RPAP2: variants seen among roughly 807,000 people sequenced by gnomAD.
RPAP2 encodes RNA polymerase II associated protein 2.
RPAP2 carries 52 observed loss-of-function variants against 73.1 expected under a neutral mutation model. The ratio of observed to expected loss-of-function variants is 0.71; its 90% CI spans 0.57 to 0.90. RPAP2 has a LOEUF of 0.90. Among genes scored for constraint, RPAP2 ranks in the 40% least tolerant of loss-of-function variants. The probability of loss-of-function intolerance (pLI) is 0.00; values close to 1 mark genes in which losing one functional copy is unlikely to be tolerated. For missense variants in RPAP2, 598 were observed against 701.8 expected (o/e 0.85, Z 1.67); for synonymous variants, 225 against 242.1 (o/e 0.93, Z 0.65).
rs1013712301 is a variant in RPAP2, at chr1:92,396,632, TTATG to T, written c.*9623_*9626del. The stretch of plus-strand genomic sequence containing the variant: ...CTAAGTTGTAATTTTTGCACAACTT[TTATG>T]TGTGTGTGTGTGTGTGTGTGTGAGA... On this transcript the variant is annotated 3_prime_UTR_variant, in exon 13 of 13. Transcript: ENST00000610020. 4.4e-5 allele frequency: 4 copies of T among 90,630 alleles called. No homozygotes were observed. In the East Asian group the frequency reaches 4.4e-3, roughly 99 times the overall value. 5.6% of individuals were successfully genotyped at this position (90,630 alleles called of 1,614,324 possible).
At chr1:92,330,510 C>A (rs941419203) in intron 8 of RPAP2, among the ~76,000 whole-genome samples, 13 of 134,010 alleles carry the variant, frequency 9.7e-5, no homozygotes, top group African/African-American at 3.4e-4. Context: ...TGCAATGGTG[C>A]CATCTTGGCT....
At chr1:92,343,543 T>C (rs962789730) in intron 10 of RPAP2, among the ~76,000 whole-genome samples, 1 of 152,188 alleles carries the variant, frequency 6.6e-6, no homozygotes, top group East Asian at 1.9e-4. Context: ...AAATATATCC[T>C]CCACTCAGAA....
chr1:92,300,752 A>G (rs917407197), intron 2 of RPAP2, among the ~76,000 whole-genome samples: 6 of 152,334 alleles, frequency 3.9e-5, no homozygotes, highest in Non-Finnish European at 8.8e-5. Context: ...AAGACTCACT[A>G]ATCTTATATT....
chr1:92,333,815 C>T (rs1653115103), intron 9 of RPAP2, among the ~76,000 whole-genome samples: 1 of 152,162 alleles, frequency 6.6e-6, no homozygotes, highest in Admixed American at 6.5e-5. Flanking sequence ...TGTGTCACAG[C>T]AGTTTCAGAT....
chr1:92,386,685 G>A (rs1046845790), intron 12 of RPAP2, among the ~76,000 whole-genome samples: 10 of 152,138 alleles, frequency 6.6e-5, no homozygotes, highest in Admixed American at 5.9e-4. Flanking sequence ...TACTTTACAT[G>A]TTTTTTTGTT....
chr1:92,378,096 A>T (rs1655466263), intron 11 of RPAP2, among the ~76,000 whole-genome samples: 1 of 152,226 alleles, frequency 6.6e-6, no homozygotes. Flanking sequence ...GAATTGAGAA[A>T]ACCTTATTTT....
rs766104918 is a variant in RPAP2, at chr1:92,391,925, C to G, written c.*4914C>G. Reference sequence around the variant, plus strand: ...CAACCAAAAAAAGTCCAGGACCAGACGGATTCACAGCCAAATTCTACGAAA... The same window carrying G: ...CAACCAAAAAAAGTCCAGGACCAGAGGGATTCACAGCCAAATTCTACGAAA... On this transcript the variant is annotated 3_prime_UTR_variant, in exon 13 of 13. Coordinates refer to ENST00000610020, the MANE Select transcript of RPAP2 (RefSeq NM_024813.3). 6.6e-6 allele frequency: 1 copy of G among 152,132 alleles called. No homozygotes were observed. Among genetic ancestry groups the G allele is most frequent in the African/African-American group, 2.4e-5 (1 of 41,436 alleles). 9.4% of individuals were successfully genotyped at this position (152,132 alleles called of 1,614,324 possible). A position where few individuals can be genotyped will look rare whatever the true frequency, so the allele number is the denominator to read the frequency against.
chr1:92,382,024 G>GT (rs1289888148), intron 12 of RPAP2, among the ~76,000 whole-genome samples: 1 of 151,014 alleles, frequency 6.6e-6, no homozygotes, highest in African/African-American at 2.4e-5. Flanking sequence ...GCGGTGTTTG[G>GT]TTTTTTGTCC....
chr1:92,314,025 T>C (rs1043574374), intron 6 of RPAP2, among the ~76,000 whole-genome samples: 1 of 152,216 alleles, frequency 6.6e-6, no homozygotes, highest in African/African-American at 2.4e-5. Flanking sequence ...TAAGGGAATG[T>C]TGTAGCTGGT....
At chr1:92,365,878 T>G (rs963824109) in intron 11 of RPAP2, among the ~76,000 whole-genome samples, 4 of 152,138 alleles carry the variant, frequency 2.6e-5, no homozygotes, top group Middle Eastern at 3.4e-3. Flanking sequence ...CTGGGGTTAT[T>G]TGTTCATCTT....
chr1:92,326,313 G>A (rs1026029954), intron 8 of RPAP2, among the ~76,000 whole-genome samples: 1 of 152,162 alleles, frequency 6.6e-6, no homozygotes, highest in Non-Finnish European at 1.5e-5. Context: ...TCTTAGGTCA[G>A]GTCTGCAGAT....
In RPAP2 at chr1:92,338,978, G is replaced by C. The variant is rs1029263724; in HGVS notation, c.1619+2551G>C. Among the ~76,000 whole-genome samples the C allele has an allele frequency of 3.3e-5, 5 of 152,218 alleles. No individual in the cohort carries two copies. In the South Asian group the frequency reaches 1.0e-3, roughly 32 times the overall value. On this transcript the variant is annotated intron_variant, in intron 10 of 12. Transcript: ENST00000610020. ...ACAACACTTATTTAATCACCATTCT[G>C]AGCAAACCGATAAAGTTATGCTGTA...
chr1:92,306,892 CTG>C (rs1245147755), intron 5 of RPAP2, among the ~76,000 whole-genome samples: 1 of 152,074 alleles, frequency 6.6e-6, no homozygotes, highest in African/African-American at 2.4e-5. Context: ...ATAGGCAAAA[CTG>C]AATATTTTTT....
At chr1:92,305,450 A>AAAAAAAAAACAAAAAAAAAAAAC (rs1202528088) in intron 5 of RPAP2, among the ~76,000 whole-genome samples, 1 of 141,852 alleles carries the variant, frequency 7.0e-6, no homozygotes, top group African/African-American at 3.0e-5. Flanking sequence ...AAAAAAAAAA[A>AAAAAAAAAACAAAAAAAAAAAAC]AGACAATATG....
chr1:92,327,766 T>C (rs1217275626), intron 8 of RPAP2, among the ~76,000 whole-genome samples: 1 of 152,174 alleles, frequency 6.6e-6, no homozygotes, highest in African/African-American at 2.4e-5. Flanking sequence ...AGATTTATGC[T>C]TTAAAGAGAT....
rs1656007834 is a variant in RPAP2 at position 92,390,526 on chromosome 1, T to C, written c.*3515T>C. 1 of 152,134 alleles carries C rather than the reference T, an allele frequency of 6.6e-6. No individual in the cohort carries two copies. Among genetic ancestry groups the C allele is most frequent in the Non-Finnish European group, 1.5e-5 (1 of 68,030 alleles). 9.4% of individuals were successfully genotyped at this position (152,134 alleles called of 1,614,324 possible). A position where few individuals can be genotyped will look rare whatever the true frequency, so the allele number is the denominator to read the frequency against. ...ACCAGCTAGCATCATAATGACAGGA[T>C]CAAATTCCCACATAACAATATTAAC... On this transcript the variant is annotated 3_prime_UTR_variant, in exon 13 of 13. Coordinates refer to ENST00000610020, the MANE Select transcript of RPAP2 (RefSeq NM_024813.3).
At position 92,304,327 on chromosome 1, in the gene RPAP2, T is replaced by G; in HGVS notation, c.377T>G (p.Val126Gly). 1 of 1,524,784 alleles carries G rather than the reference T, an allele frequency of 6.6e-7. No individual in the cohort carries two copies. Among genetic ancestry groups the G allele is most frequent in the Non-Finnish European group, 9.0e-7 (1 of 1,110,718 alleles). 94.5% of individuals were successfully genotyped at this position (1,524,784 alleles called of 1,614,324 possible). A position where few individuals can be genotyped will look rare whatever the true frequency, so the allele number is the denominator to read the frequency against. The change falls in exon 5 of 13, where the codon GTC (valine) becomes GGC (glycine). Residue 126 changes from valine (V) to glycine (G), a missense_variant. Physicochemically the swap from Val to Gly is moderately radical, Grantham distance 109 (BLOSUM62 -3). Around this residue, in one of 3 missense-constraint regions of RPAP2, gnomAD observed 506 missense variants for 612.8 expected, o/e 0.83. Transcript: ENST00000610020. ...AAAATTTCTACCAAAACCAATAAAG[T>G]CTATGATATTACTGAAAGAAAGGTG... is the stretch of plus-strand genomic sequence containing the variant. ...KYKISTKTNKVYDITERKSFC... is the reference protein window; with the variant it reads ...KYKISTKTNKGYDITERKSFC...
At position 92,373,733 on chromosome 1, in the gene RPAP2, T is replaced by TAAAAAAAAAAAAA. The variant is rs1395822870; in HGVS notation, c.1689-6986_1689-6985insAAAAAAAAAAAAA. Among the ~76,000 whole-genome samples the TAAAAAAAAAAAAA allele has an allele frequency of 1.2e-4, 5 of 40,892 alleles. 1 individual carries two copies. The highest frequency in any genetic ancestry group is 2.1e-3 in the South Asian group (2 of 942). The allele number at this position is 40,892 out of a possible 152,430, so 26.8% of individuals were successfully genotyped here. On this transcript the variant is annotated intron_variant, in intron 11 of 12. Coordinates refer to ENST00000610020, the MANE Select transcript of RPAP2 (RefSeq NM_024813.3). ...CAACATGGTGAAACCCCGTCTCTAC[T>TAAAAAAAAAAAAA]AAAAATAAAAAAAAAAAAAAAAAAA... is the stretch of plus-strand genomic sequence containing the variant.
Position 92,398,444 on chromosome 1 carries a change from T to C in RPAP2, c.*11433T>C, listed in dbSNP as rs1656239534. ...AAAACCAGTTGATCTTCCTACTCAT[T>C]AGGGGACAAGATCAATTCTCTAAAA... On this transcript the variant is annotated 3_prime_UTR_variant, in exon 13 of 13. Transcript: ENST00000610020. The C allele has an allele frequency of 6.6e-6, 1 of 152,218 alleles. No homozygotes were observed. The highest frequency in any genetic ancestry group is 1.5e-5 in the Non-Finnish European group (1 of 68,034). The allele number at this position is 152,218 out of a possible 1,614,324, so 9.4% of individuals were successfully genotyped here. A position where few individuals can be genotyped will look rare whatever the true frequency, so the allele number is the denominator to read the frequency against.
Sources: allele counts gnomAD v4.1 joint callset (sites outside exome capture counted in the v4.1 genomes callset), GRCh38; gene constraint gnomAD v4.1.1; regional missense constraint gnomAD v4.1.1; transcripts MANE v1.5; gene names NCBI Gene and HGNC (gene_info 2026-07-23, HGNC 2026-07-21).